Variants in TCF7L1 observed in about 807,000 individuals in gnomAD.
The protein encoded by TCF7L1 is transcription factor 7-like 1.
In TCF7L1, 18 loss-of-function variants were observed where a neutral mutation model predicts 63.7. The observed-to-expected ratio is 0.28, with a 90% CI of 0.20 to 0.42. The LOEUF (loss-of-function observed/expected upper bound fraction) is 0.42. Among genes scored for constraint, TCF7L1 ranks in the 10% least tolerant of loss-of-function variants. The pLI, the probability that TCF7L1 is intolerant of heterozygous loss-of-function variation, is 1.00. For synonymous variants in TCF7L1, 355 were observed against 340.9 expected, an observed-to-expected ratio of 1.04 and a Z score of -0.46; for missense variants, 654 against 779.3, an observed-to-expected ratio of 0.84 and a Z score of 1.91.
intron 4 of TCF7L1, among the ~76,000 whole-genome samples, chr2:85,298,249 T>G (rs1465097158): frequency 1.4e-5 from 2 of 145,586 alleles, no homozygotes; most frequent in African/African-American, 5.1e-5. Context: ...TCCCAGCACT[T>G]TGGGAGGTTG....
chr2:85,303,501 C>T (rs1682033646), intron 5 of TCF7L1: 1 of 170,214 alleles, frequency 5.9e-6, no homozygotes, highest in Admixed American at 6.3e-5. Context: ...GAGGAAGACA[C>T]ATGTGGAGGA....
chr2:85,212,761 G>A (rs1344001495), intron 3 of TCF7L1, among the ~76,000 whole-genome samples: 2 of 152,132 alleles, frequency 1.3e-5, no homozygotes, highest in Admixed American at 1.3e-4. Context: ...TTGGACCCCT[G>A]AGGAAGGATG....
chr2:85,150,452 T>C (rs1677982309), intron 3 of TCF7L1, among the ~76,000 whole-genome samples: 1 of 152,140 alleles, frequency 6.6e-6, no homozygotes. Context: ...CAGGATGGTC[T>C]CGATCTCCTG....
intron 3 of TCF7L1, among the ~76,000 whole-genome samples, chr2:85,263,719 T>C (rs1388380202): frequency 1.3e-5 from 2 of 152,074 alleles, no homozygotes; most frequent in African/African-American, 2.4e-5. Flanking sequence ...AAGGAAGCAC[T>C]TGGAGATGAG....
chr2:85,136,539 G>A (rs1469433206), intron 3 of TCF7L1, among the ~76,000 whole-genome samples: 4 of 152,084 alleles, frequency 2.6e-5, no homozygotes, highest in Non-Finnish European at 2.9e-5. Flanking sequence ...CCTGGCCCAG[G>A]CACCAGCCTC....
Position 85,284,514 on chromosome 2 carries a change from C to A in TCF7L1, c.525+936C>A, listed in dbSNP as rs149668976. On this transcript the variant is annotated intron_variant, in intron 4 of 11. Transcript: ENST00000282111. ...CTCAGGACATGCAAAGGACTGAAAC[C>A]CAAAGCTGATAAGAGATGCTCCTGG... 3.3e-5 allele frequency among the ~76,000 whole-genome samples: 5 copies of A among 152,260 alleles called. No homozygotes were observed. The East Asian group carries it at 9.7e-4, about 29-fold the overall frequency.
In TCF7L1 at chr2:85,306,501, G is replaced by T. The variant is rs553216569; in HGVS notation, c.1199G>T (p.Arg400Leu). ...EEQAKYYELA[R>L]KERQLHSQLY... The stretch of plus-strand genomic sequence containing the variant: ...CAGGCCAAGTACTACGAGCTGGCCC[G>T]GAAGGAGCGGCAGCTTCACTCGCAG... Residue 400 changes from arginine to leucine, a missense_variant, in exon 10 of 12, where the codon CGG becomes CTG. Arg to Leu is a moderately radical substitution (Grantham distance 102). This residue lies in a region of TCF7L1 where 66 missense variants were observed against 120.5 expected (regional missense o/e 0.55). Coordinates refer to ENST00000282111, the MANE Select transcript of TCF7L1 (RefSeq NM_031283.3). The surrounding 1 kb of genome is among the most constrained non-coding windows in gnomAD (Gnocchi z 4.3). 1 of 1,614,096 alleles carries T rather than the reference G, an allele frequency of 6.2e-7. No individual in the cohort carries two copies. The highest frequency in any genetic ancestry group is 1.3e-5 in the African/African-American group (1 of 74,984).
chr2:85,284,360 A>G (rs967796471), intron 4 of TCF7L1, among the ~76,000 whole-genome samples: 1 of 152,190 alleles, frequency 6.6e-6, no homozygotes, highest in African/African-American at 2.4e-5. Context: ...AATAGGACGT[A>G]TGCAAACAAA....
At chr2:85,209,299 A>G (rs1558634364) in intron 3 of TCF7L1, among the ~76,000 whole-genome samples, 1 of 152,176 alleles carries the variant, frequency 6.6e-6, no homozygotes, top group Non-Finnish European at 1.5e-5. Context: ...TTTGCCTGCA[A>G]CTGTGGACAC....
intron 3 of TCF7L1, among the ~76,000 whole-genome samples, chr2:85,231,568 C>T (rs1680082173): frequency 6.6e-6 from 1 of 152,202 alleles, no homozygotes; most frequent in South Asian, 2.1e-4. Context: ...ACCCACCCAA[C>T]TCCACTCTGG....
At chr2:85,268,708 C>G (rs1262029387) in intron 3 of TCF7L1, among the ~76,000 whole-genome samples, 1 of 150,674 alleles carries the variant, frequency 6.6e-6, no homozygotes, top group Non-Finnish European at 1.5e-5. Context: ...TCCCAAAGTG[C>G]TGGGATTACA....
At position 85,217,723 on chromosome 2, in the gene TCF7L1, G is replaced by C. The variant is rs547116920; in HGVS notation, c.442-65772G>C. On this transcript the variant is annotated intron_variant, in intron 3 of 11. Transcript: ENST00000282111. ...AGTATCCCTTATCCAAAATGTTTGG[G>C]GCCAGAAGTGTTTCGCAGTTTTGGA... is the stretch of plus-strand genomic sequence containing the variant. 1.1e-4 allele frequency among the ~76,000 whole-genome samples: 17 copies of C among 152,226 alleles called. No homozygotes were observed. In the East Asian group the frequency reaches 2.1e-3, roughly 19 times the overall value.
At chr2:85,307,132 C>T (rs376208454) in intron 10 of TCF7L1, among the ~76,000 whole-genome samples, 15 of 151,294 alleles carry the variant, frequency 9.9e-5, no homozygotes, top group African/African-American at 3.1e-4. Context: ...ACACAGGGCA[C>T]GGGGTTAGCT....
intron 3 of TCF7L1, among the ~76,000 whole-genome samples, chr2:85,232,250 ATTG>A (rs1268367099): frequency 1.3e-5 from 2 of 151,876 alleles, no homozygotes; most frequent in African/African-American, 4.8e-5. Context: ...TGTTTTTGTG[ATTG>A]TTATTTTAAG....
chr2:85,137,669 G>T (rs573856990), intron 3 of TCF7L1, among the ~76,000 whole-genome samples: 48 of 152,304 alleles, frequency 3.2e-4, no homozygotes, highest in African/African-American at 7.2e-5. Flanking sequence ...AAGGCGGGCG[G>T]ATCACCTGAG....
At chr2:85,198,692 G>C (rs1558631411) in intron 3 of TCF7L1, among the ~76,000 whole-genome samples, 2 of 152,092 alleles carry the variant, frequency 1.3e-5, no homozygotes, top group Admixed American at 6.5e-5. Context: ...AACAAAGTGA[G>C]ATCCCGTCTC....
intron 3 of TCF7L1, among the ~76,000 whole-genome samples, chr2:85,167,655 G>C (rs1678449895): frequency 6.6e-6 from 1 of 152,164 alleles, no homozygotes; most frequent in Admixed American, 6.5e-5. Flanking sequence ...CTTGAGCCCA[G>C]AAGTTCGAGA....
intron 3 of TCF7L1, among the ~76,000 whole-genome samples, chr2:85,162,352 A>G (rs940250201): frequency 6.6e-6 from 1 of 152,206 alleles, no homozygotes; most frequent in African/African-American, 2.4e-5. Context: ...TCACTTTTAA[A>G]AGTTGGTACA....
intron 3 of TCF7L1, among the ~76,000 whole-genome samples, chr2:85,211,697 T>C (rs1260888864): frequency 6.6e-6 from 1 of 152,208 alleles, no homozygotes; most frequent in Non-Finnish European, 1.5e-5. Context: ...GGTCTGGTCT[T>C]TAGAGCAGGC....
Sources: gnomAD v4.1 joint callset for allele counts (sites outside exome capture counted in the v4.1 genomes callset) on GRCh38, gnomAD v4.1.1 for gene constraint, gnomAD v4.1.1 regional missense constraint, Gnocchi (gnomAD v3.1) non-coding constraint, MANE v1.5 for transcripts, NCBI Gene and HGNC (gene_info 2026-07-23, HGNC 2026-07-21) for gene names.